CCDC34: variants seen among roughly 807,000 people sequenced by gnomAD.
CCDC34 encodes the protein coiled-coil domain-containing protein 34.
CCDC34 carries 40 observed loss-of-function variants against 44.1 expected under a neutral mutation model. That is an observed-to-expected ratio of 0.91 (90% confidence interval 0.70 to 1.18). The LOEUF is 1.18. CCDC34 is among the 50% of genes most tolerant of loss of function. The probability of loss-of-function intolerance (pLI) is 0.00; values close to 1 mark genes in which losing one functional copy is unlikely to be tolerated. For missense variants in CCDC34, 466 were observed against 452.3 expected, an observed-to-expected ratio of 1.03 and a Z score of -0.28; for synonymous variants, 159 against 158.2, an observed-to-expected ratio of 1.01 and a Z score of -0.04.
intron 2 of CCDC34, among the ~76,000 whole-genome samples, chr11:27,354,606 C>G (rs920660441): frequency 2.0e-5 from 3 of 152,144 alleles, no homozygotes; most frequent in Non-Finnish European, 2.9e-5. Context: ...TGGCTCACAC[C>G]TGTAACCCCA....
intron 3 of CCDC34, among the ~76,000 whole-genome samples, chr11:27,344,347 A>G (rs961597095): frequency 4.7e-5 from 7 of 148,312 alleles, no homozygotes; most frequent in Non-Finnish European, 7.5e-5. Flanking sequence ...ACATATGTAT[A>G]TGTTATAAAC....
chr11:27,358,950 A>C, intron 1 of CCDC34, among the ~76,000 whole-genome samples: 2 of 134,162 alleles, frequency 1.5e-5, no homozygotes, highest in Non-Finnish European at 3.2e-5. Flanking sequence ...CTCCTTGTCA[A>C]CATGTGGACC....
At chr11:27,350,815 T>C (rs1862496100) in intron 2 of CCDC34, among the ~76,000 whole-genome samples, 1 of 152,154 alleles carries the variant, frequency 6.6e-6, no homozygotes, top group Non-Finnish European at 1.5e-5. Context: ...AAGAAGCTTC[T>C]GGATTCCTGA....
chr11:27,346,727 G>GA (rs1862440401), intron 3 of CCDC34, among the ~76,000 whole-genome samples: 1 of 152,166 alleles, frequency 6.6e-6, no homozygotes, highest in Non-Finnish European at 1.5e-5. Context: ...GTTATGGACT[G>GA]AATTGTATTC....
At chr11:27,342,179 T>C (rs977277029) in intron 3 of CCDC34, among the ~76,000 whole-genome samples, 8 of 151,760 alleles carry the variant, frequency 5.3e-5, no homozygotes, top group Non-Finnish European at 1.0e-4. Flanking sequence ...ACTAATACAG[T>C]GTTCAATCAA....
chr11:27,351,532 C>A (rs1862503150), intron 2 of CCDC34, among the ~76,000 whole-genome samples: 1 of 152,128 alleles, frequency 6.6e-6, no homozygotes, highest in Admixed American at 6.6e-5. Context: ...AGCAAATATC[C>A]ATCTTTAAGG....
rs143908947 is a variant in CCDC34, at chr11:27,338,692, T to C, written c.*129A>G. 404 of 782,200 alleles carry C rather than the reference T, an allele frequency of 5.2e-4. 1 individual carries two copies. The African/African-American group carries it at 6.1e-3, about 12-fold the overall frequency. The allele number at this position is 782,200 out of a possible 1,614,324, so 48.5% of individuals were successfully genotyped here. On this transcript the variant is annotated 3_prime_UTR_variant, in exon 6 of 6. Coordinates refer to ENST00000328697, the MANE Select transcript of CCDC34 (RefSeq NM_030771.2). ...CTTCCTCAACTCTAAGGACTCCATATACAAATGCAAAAATTGCTATTTGTC... is the reference window on the plus strand; with the variant it reads ...CTTCCTCAACTCTAAGGACTCCATACACAAATGCAAAAATTGCTATTTGTC...
chr11:27,347,422 C>T (rs77353982), intron 3 of CCDC34, among the ~76,000 whole-genome samples: 1 of 152,138 alleles, frequency 6.6e-6, no homozygotes, highest in South Asian at 2.1e-4. Context: ...TGAGTGGTCA[C>T]AGAATTTTAT....
rs559374048 is a variant in CCDC34 at position 27,347,737 on chromosome 11, G to A, written c.606+2595C>T. ...TTGGAGCTGAGGCTGGCTGGGGGCA[G>A]GGAGTGGGGGTGAATGCAAAGGGGC... On this transcript the variant is annotated intron_variant, in intron 3 of 5. Transcript: ENST00000328697. Among the ~76,000 whole-genome samples, 23 of 152,222 alleles carry A rather than the reference G, an allele frequency of 1.5e-4. No individual in the cohort carries two copies. In the South Asian group the frequency reaches 4.6e-3, roughly 30 times the overall value.
chr11:27,341,371 TG>T lies in CCDC34; in HGVS notation c.765+20del. The T allele has an allele frequency of 7.1e-7, 1 of 1,406,262 alleles. No homozygotes were observed. The highest frequency in any genetic ancestry group is 1.4e-5 in the South Asian group (1 of 70,046). 87.1% of individuals were successfully genotyped at this position (1,406,262 alleles called of 1,614,324 possible). On this transcript the variant is annotated intron_variant, in intron 4 of 5. Coordinates refer to ENST00000328697, the MANE Select transcript of CCDC34 (RefSeq NM_030771.2). Reference sequence around the variant, plus strand: ...GAACACCAAAGTTATGTATTCTAACTGGTCACTTTAATAAAAATACCTTTTC... The same window carrying T: ...GAACACCAAAGTTATGTATTCTAACTGTCACTTTAATAAAAATACCTTTTC...
rs866906321 is a variant in CCDC34 at position 27,350,524 on chromosome 11, A to G, written c.499-85T>C. On this transcript the variant is annotated intron_variant, in intron 2 of 5. Transcript: ENST00000328697. ...TTTAAAAGTCTGAGGTTATTAACCA[A>G]ATTAAACAAGAATATAGTTTCCTTT... is the stretch of plus-strand genomic sequence containing the variant. 11 of 1,292,108 alleles carry G rather than the reference A, an allele frequency of 8.5e-6. No homozygotes were observed. In the Middle Eastern group the frequency reaches 7.2e-4, roughly 85 times the overall value. 80.0% of individuals were successfully genotyped at this position (1,292,108 alleles called of 1,614,324 possible).
chr11:27,357,469 T>C lies in CCDC34; in HGVS notation c.432A>G (p.Pro144=), dbSNP rs1862596022. The change falls in exon 2 of 6, where the codon CCA becomes CCG. Residue 144 remains proline, a synonymous_variant. Coordinates refer to ENST00000328697, the MANE Select transcript of CCDC34 (RefSeq NM_030771.2). ...CTTTGCCAATAAACCACACCTCCCA[T>C]GGTGTCAGGCGGCTTTCTGGTAAGC... ...QVRLPESRLT[P]WEVWFIGKEK... 6.2e-6 allele frequency: 10 copies of C among 1,613,760 alleles called. No homozygotes were observed. The highest frequency in any genetic ancestry group is 8.5e-6 in the Non-Finnish European group (10 of 1,179,826).
intron 2 of CCDC34, among the ~76,000 whole-genome samples, chr11:27,351,588 G>A (rs904208962): frequency 6.6e-6 from 1 of 152,084 alleles, no homozygotes; most frequent in Admixed American, 6.5e-5. Flanking sequence ...GACTTACTCA[G>A]TATACTTTTA....
intron 3 of CCDC34, 144 bp downstream of exon 3, chr11:27,350,188 G>A (rs1011457345): frequency 6.4e-7 from 1 of 1,557,210 alleles, no homozygotes; most frequent in Non-Finnish European, 8.6e-7. Flanking sequence ...CTTGATAAAT[G>A]TCCACCAGGA....
chr11:27,343,356 C>A (rs1458019523), intron 3 of CCDC34, among the ~76,000 whole-genome samples: 3 of 149,646 alleles, frequency 2.0e-5, no homozygotes, highest in Non-Finnish European at 4.4e-5. Flanking sequence ...TAGCCGAGAT[C>A]GTGCCATTGA....
chr11:27,354,424 C>T (rs1862544031), intron 2 of CCDC34, among the ~76,000 whole-genome samples: 2 of 152,116 alleles, frequency 1.3e-5, no homozygotes, highest in Admixed American at 1.3e-4. Context: ...ACATATTAGT[C>T]CATATCCTGA....
Position 27,357,504 on chromosome 11 carries a change from T to C in CCDC34, c.397A>G (p.Lys133Glu). 6.2e-7 allele frequency: 1 copy of C among 1,614,018 alleles called. No homozygotes were observed. ...VESENNQEEQ[K>E]QVRLPESRLT... Reference sequence around the variant, plus strand: ...CGGCTTTCTGGTAAGCGCACCTGTTTCTGTTCTTCTTGGTTATTTTCTGAT... The same window carrying C: ...CGGCTTTCTGGTAAGCGCACCTGTTCCTGTTCTTCTTGGTTATTTTCTGAT... Residue 133 changes from lysine to glutamate, a missense_variant, in exon 2 of 6, where the codon AAA becomes GAA. Physicochemically the swap from Lys to Glu is moderately conservative, Grantham distance 56. Coordinates refer to ENST00000328697, the MANE Select transcript of CCDC34 (RefSeq NM_030771.2).
Position 27,340,877 on chromosome 11 carries a change from G to A in CCDC34, c.766-40C>T, listed in dbSNP as rs541124059. ...ACCAAAATATTTCCAGGGATATTCT[G>A]TAACTATACATTCCATTCAAATTCT... On this transcript the variant is annotated intron_variant, in intron 4 of 5. Coordinates refer to ENST00000328697, the MANE Select transcript of CCDC34 (RefSeq NM_030771.2). The A allele has an allele frequency of 7.6e-6, 12 of 1,586,704 alleles. No homozygotes were observed. The African/African-American group carries it at 9.5e-5, about 13-fold the overall frequency.
rs1055438330 is a variant in CCDC34 at position 27,349,115 on chromosome 11, T to G, written c.606+1217A>C. 9 of 984,474 alleles carry G rather than the reference T, an allele frequency of 9.1e-6. No homozygotes were observed. In the Admixed American group the frequency reaches 3.1e-4, roughly 34 times the overall value. The allele number at this position is 984,474 out of a possible 1,614,324, so 61.0% of individuals were successfully genotyped here. A position where few individuals can be genotyped will look rare whatever the true frequency, so the allele number is the denominator to read the frequency against. ...GATTGGCATGGTAAAATTAGCTTAA[T>G]GGAGTTAGAAGATAAGAAGGACTTT... is the stretch of plus-strand genomic sequence containing the variant. On this transcript the variant is annotated intron_variant, in intron 3 of 5. Transcript: ENST00000328697.
Sources: allele counts gnomAD v4.1 joint callset (sites outside exome capture counted in the v4.1 genomes callset), GRCh38; gene constraint gnomAD v4.1.1; transcripts MANE v1.5; gene names NCBI Gene and HGNC (gene_info 2026-07-23, HGNC 2026-07-21).